Variants in CHRM2 observed in about 807,000 individuals in gnomAD.
CHRM2 encodes the protein cholinergic receptor muscarinic 2.
A neutral mutation model predicts 25.0 loss-of-function variants in CHRM2; 8 were observed. The observed-to-expected ratio is 0.32, with a 90% CI of 0.19 to 0.58. The LOEUF (loss-of-function observed/expected upper bound fraction) is 0.58. Ranked by LOEUF, CHRM2 falls within the 20% of genes least tolerant of loss-of-function variation. The pLI, the probability that CHRM2 is intolerant of heterozygous loss-of-function variation, is 0.88. For synonymous variants in CHRM2, 202 were observed against 205.7 expected, an observed-to-expected ratio of 0.98 and a Z score of 0.15; for missense variants, 440 against 567.1, an observed-to-expected ratio of 0.78 and a Z score of 2.28.
At chr7:136,939,671 T>G (rs1399371244) in intron 2 of CHRM2, among the ~76,000 whole-genome samples, 1 of 152,214 alleles carries the variant, frequency 6.6e-6, no homozygotes, top group Non-Finnish European at 1.5e-5. Context: ...TGGGACTTAC[T>G]CTGTTTTTCA....
intron 2 of CHRM2, among the ~76,000 whole-genome samples, chr7:136,948,395 A>C (rs984237756): frequency 1.3e-5 from 2 of 152,216 alleles, no homozygotes; most frequent in African/African-American, 4.8e-5. Flanking sequence ...TCTGATTTAT[A>C]GTAAGTAGGC....
At chr7:136,939,346 A>C (rs1799628074) in intron 2 of CHRM2, among the ~76,000 whole-genome samples, 1 of 152,248 alleles carries the variant, frequency 6.6e-6, no homozygotes, top group Non-Finnish European at 1.5e-5. Flanking sequence ...AGTAATATGC[A>C]CTTGAGATTA....
intron 2 of CHRM2, among the ~76,000 whole-genome samples, chr7:136,939,239 G>A (rs546102096): frequency 6.6e-6 from 1 of 152,138 alleles, no homozygotes; most frequent in South Asian, 2.1e-4. Context: ...TTTTGATTTG[G>A]AAATAATTAC....
chr7:137,008,540 C>T (rs1017315902), intron 3 of CHRM2, among the ~76,000 whole-genome samples: 6 of 151,980 alleles, frequency 3.9e-5, no homozygotes, highest in African/African-American at 1.4e-4. Flanking sequence ...ATCACTGTTA[C>T]TTGCTAAGTG....
At chr7:136,911,117 A>AT (rs1313066590) in intron 2 of CHRM2, among the ~76,000 whole-genome samples, 1 of 151,712 alleles carries the variant, frequency 6.6e-6, no homozygotes, top group African/African-American at 2.4e-5. Flanking sequence ...TTAGTGAGTA[A>AT]TTTTTTTTAT....
chr7:137,014,934 G>A lies in CHRM2; in HGVS notation c.69G>A (p.Val23=). The change falls in exon 4 of 4, where the codon GTG becomes GTA. Residue 23 remains valine (V), a synonymous_variant. Coordinates refer to ENST00000680005, the MANE Select transcript of CHRM2 (RefSeq NM_001006630.2). ...CAAGTCCTTATAAGACATTTGAAGT[G>A]GTGTTTATTGTCCTGGTGGCTGGAT... The part of the protein sequence containing the change: ...ALTSPYKTFE[V]VFIVLVAGSL... 6.2e-7 allele frequency: 1 copy of A among 1,613,202 alleles called. No individual in the cohort carries two copies. The highest frequency in any genetic ancestry group is 1.7e-4 in the Middle Eastern group (1 of 6,048).
chr7:136,978,881 T>C (rs1484694954), intron 2 of CHRM2, among the ~76,000 whole-genome samples: 1 of 152,218 alleles, frequency 6.6e-6, no homozygotes, highest in Non-Finnish European at 1.5e-5. Context: ...TTCAAGTCTT[T>C]ACTATTGTGA....
rs114852281 is a variant in CHRM2 at position 136,938,148 on chromosome 7, G to A, written c.-124-54039G>A. 4.3e-3 allele frequency: 2,850 copies of A among 662,014 alleles called. 58 individuals are homozygous for A. In the African/African-American group the frequency reaches 0.046, roughly 11 times the overall value. The allele number at this position is 662,014 out of a possible 1,614,324, so 41.0% of individuals were successfully genotyped here. A position where few individuals can be genotyped will look rare whatever the true frequency, so the allele number is the denominator to read the frequency against. On this transcript the variant is annotated intron_variant, in intron 2 of 3. Coordinates refer to ENST00000680005, the MANE Select transcript of CHRM2 (RefSeq NM_001006630.2). ...GGCACTTGTCTCCTCTTCTTGTCAG[G>A]ATCTGAATACTATCTCTGCCCACTC...
At chr7:137,007,311 C>T (rs1287320769) in intron 3 of CHRM2, among the ~76,000 whole-genome samples, 1 of 152,104 alleles carries the variant, frequency 6.6e-6, no homozygotes, top group East Asian at 1.9e-4. Context: ...AGAATGTGTT[C>T]TGTTTTGTTG....
chr7:137,004,711 CTTTAT>C (rs1584912130), intron 3 of CHRM2, among the ~76,000 whole-genome samples: 2 of 152,092 alleles, frequency 1.3e-5, no homozygotes, highest in Non-Finnish European at 2.9e-5. Context: ...GACCAACTGG[CTTTAT>C]TTTAATTCTA....
At chr7:136,923,299 G>C (rs184383758) in intron 2 of CHRM2, among the ~76,000 whole-genome samples, 2 of 144,186 alleles carry the variant, frequency 1.4e-5, no homozygotes, top group Admixed American at 1.4e-4. Flanking sequence ...CAGTAAAGAT[G>C]TGAAATTCCC....
intron 2 of CHRM2, among the ~76,000 whole-genome samples, chr7:136,922,853 G>T (rs1798526235): frequency 6.6e-6 from 1 of 152,122 alleles, no homozygotes; most frequent in Non-Finnish European, 1.5e-5. Flanking sequence ...TAGCCTGAGA[G>T]AGATCATTTT....
At chr7:137,000,522 A>C (rs1312787060) in intron 3 of CHRM2, among the ~76,000 whole-genome samples, 5 of 142,614 alleles carry the variant, frequency 3.5e-5, no homozygotes, top group Non-Finnish European at 7.6e-5. Context: ...ATTATTAAAA[A>C]AAAAGAAAGA....
At chr7:136,905,495 C>T (rs1797486215) in intron 2 of CHRM2, among the ~76,000 whole-genome samples, 1 of 151,752 alleles carries the variant, frequency 6.6e-6, no homozygotes, top group Admixed American at 6.6e-5. Context: ...CATAACTAAA[C>T]TATTTTTCTC....
chr7:136,931,234 C>G (rs1316402911), intron 2 of CHRM2, among the ~76,000 whole-genome samples: 1 of 152,098 alleles, frequency 6.6e-6, no homozygotes, highest in East Asian at 1.9e-4. Context: ...TAACATTTCT[C>G]TAATGTTCTA....
At chr7:136,953,755 C>A in intron 2 of CHRM2, among the ~76,000 whole-genome samples, 1 of 151,536 alleles carries the variant, frequency 6.6e-6, no homozygotes, top group Admixed American at 6.6e-5. Context: ...AAATATATTT[C>A]AGACGGACAA....
intron 2 of CHRM2, among the ~76,000 whole-genome samples, chr7:136,986,917 G>GCATT (rs1157119469): frequency 6.6e-6 from 1 of 152,088 alleles, no homozygotes; most frequent in African/African-American, 2.4e-5. Flanking sequence ...ATTAGTATAT[G>GCATT]CATTCATTCA....
chr7:136,901,297 C>T (rs1797192973), intron 2 of CHRM2, among the ~76,000 whole-genome samples: 1 of 152,086 alleles, frequency 6.6e-6, no homozygotes, highest in East Asian at 1.9e-4. Context: ...GCATGCAGTT[C>T]TAGCTGCATT....
intron 2 of CHRM2, chr7:136,938,556 TGCCGCTGGCCCCACCATA>T: frequency 1.1e-6 from 1 of 914,888 alleles, no homozygotes; most frequent in Non-Finnish European, 1.8e-6. Context: ...ATCCCTCCCA[TGCCGCTGGCCCCACCATA>T]GCCGCTGCCC....
Sources: gnomAD v4.1 joint callset for allele counts (sites outside exome capture counted in the v4.1 genomes callset) on GRCh38, gnomAD v4.1.1 for gene constraint, MANE v1.5 for transcripts, NCBI Gene and HGNC (gene_info 2026-07-23, HGNC 2026-07-21) for gene names.